Variants in CHIC1 observed in about 807,000 individuals in gnomAD.
CHIC1 encodes cysteine-rich hydrophobic domain-containing protein 1.
Under a neutral mutation model 18.5 loss-of-function variants are expected in CHIC1, and 7 were observed. The ratio of observed to expected loss-of-function variants is 0.38; its 90% CI spans 0.22 to 0.71. CHIC1 has a LOEUF of 0.71. CHIC1 is among the 30% of genes least tolerant of loss of function. The pLI is 0.49. For synonymous variants in CHIC1, 77 were observed against 73.5 expected (o/e 1.05, Z -0.25); for missense variants, 159 against 176.9 (o/e 0.90, Z 0.57).
intron 3 of CHIC1, among the ~76,000 whole-genome samples, chrX:73,670,687 G>C (rs73496933): frequency 9.0e-6 from 1 of 110,641 alleles, no homozygotes; most frequent in African/African-American, 3.3e-5. Flanking sequence ...TATTGCTTTT[G>C]CTGTATCTTA....
At chrX:73,611,674 A>G (rs1168760879) in intron 3 of CHIC1, among the ~76,000 whole-genome samples, 1 of 107,926 alleles carries the variant, frequency 9.3e-6, no homozygotes, top group Non-Finnish European at 1.9e-5. Flanking sequence ...CATCCTCTCC[A>G]GCACCTGTTG....
chrX:73,585,014 A>G (rs184324912), intron 3 of CHIC1, among the ~76,000 whole-genome samples: 14 of 111,600 alleles, frequency 1.3e-4, no homozygotes, highest in Non-Finnish European at 2.3e-4. Context: ...TAGCATTACT[A>G]CTTATGTCAT....
intron 3 of CHIC1, among the ~76,000 whole-genome samples, chrX:73,672,012 A>T (rs943837859): frequency 4.5e-5 from 5 of 111,212 alleles, no homozygotes; most frequent in Non-Finnish European, 9.4e-5. Flanking sequence ...GAGTGAGAAC[A>T]TGCGGTGTTT....
At position 73,624,081 on chromosome X, in the gene CHIC1, A is replaced by G. The variant is rs149743193; in HGVS notation, c.507+39509A>G. Among the ~76,000 whole-genome samples, 459 of 110,128 alleles carry G rather than the reference A, an allele frequency of 4.2e-3. 3 individuals are homozygous for G. The highest frequency in any genetic ancestry group is 0.014 in the African/African-American group (430 of 30,316). On this transcript the variant is annotated intron_variant, in intron 3 of 5. Transcript: ENST00000373502. Reference sequence around the variant, plus strand: ...TTTATACTAGATACTGGATCTTAAAAAATAGGGAATCAGCCCATTCCCCAT... The same window carrying G: ...TTTATACTAGATACTGGATCTTAAAGAATAGGGAATCAGCCCATTCCCCAT...
rs1412741004 is a variant in CHIC1 at position 73,681,022 on chromosome X, A to C, written c.*17A>C. ...CCTGACTGAGGAGTTTTATCCAGTC[A>C]CTTCTGTGTTACCTGTCATTTCCTA... On this transcript the variant is annotated 3_prime_UTR_variant, in exon 6 of 6. Transcript: ENST00000373502. The C allele has an allele frequency of 9.4e-7, 1 of 1,061,085 alleles. No individual in the cohort carries two copies. Among genetic ancestry groups the C allele is most frequent in the Non-Finnish European group, 1.3e-6 (1 of 783,795 alleles). The allele number at this position is 1,061,085 out of a possible 1,213,427, so 87.4% of individuals were successfully genotyped here.
chrX:73,665,562 G>A (rs191432318), intron 3 of CHIC1, among the ~76,000 whole-genome samples: 1 of 111,229 alleles, frequency 9.0e-6, no homozygotes, highest in East Asian at 2.8e-4. Context: ...GATAACTGTT[G>A]TCCCATGATG....
At chrX:73,597,604 T>TAC (rs761767370) in intron 3 of CHIC1, among the ~76,000 whole-genome samples, 60 of 103,765 alleles carry the variant, frequency 5.8e-4, no homozygotes, top group South Asian at 2.9e-3. Flanking sequence ...CATATATATA[T>TAC]ACACACACAC....
intron 3 of CHIC1, among the ~76,000 whole-genome samples, chrX:73,675,841 A>G (rs2147629991): frequency 9.0e-6 from 1 of 110,499 alleles, no homozygotes; most frequent in South Asian, 3.9e-4. Context: ...GGTCTTTACA[A>G]TTTGGCATGT....
chrX:73,647,649 G>A (rs1261762224), intron 3 of CHIC1, among the ~76,000 whole-genome samples: 4 of 112,241 alleles, frequency 3.6e-5, no homozygotes, highest in Non-Finnish European at 7.5e-5. Context: ...CTCCTCACTG[G>A]GTGGGGCCTC....
At chrX:73,602,555 A>G (rs866055539) in intron 3 of CHIC1, among the ~76,000 whole-genome samples, 5 of 108,584 alleles carry the variant, frequency 4.6e-5, no homozygotes, top group Admixed American at 9.7e-5. Flanking sequence ...TTTTGTTGCC[A>G]TTGGTTTTGG....
In CHIC1 at chrX:73,681,245, A is replaced by G. The variant is rs1234243102; in HGVS notation, c.*240A>G. The stretch of plus-strand genomic sequence containing the variant: ...CACACACATGCGTGTGTGCATATAC[A>G]TATATAGATAGTTGCCATTAAAGAT... On this transcript the variant is annotated 3_prime_UTR_variant, in exon 6 of 6. Transcript: ENST00000373502. 3.6e-6 allele frequency: 1 copy of G among 274,488 alleles called. No homozygotes were observed. The highest frequency in any genetic ancestry group is 6.3e-6 in the Non-Finnish European group (1 of 158,659). 22.6% of individuals were successfully genotyped at this position (274,488 alleles called of 1,213,427 possible). A position where few individuals can be genotyped will look rare whatever the true frequency, so the allele number is the denominator to read the frequency against.
chrX:73,573,498 G>A (rs951032789), intron 1 of CHIC1, among the ~76,000 whole-genome samples: 10 of 111,201 alleles, frequency 9.0e-5, no homozygotes, highest in Non-Finnish European at 1.7e-4. Context: ...TAGTTTGATA[G>A]GTATAGCATT....
intron 3 of CHIC1, among the ~76,000 whole-genome samples, chrX:73,617,613 G>A (rs753805161): frequency 1.8e-5 from 2 of 111,784 alleles, no homozygotes; most frequent in African/African-American, 3.3e-5. Flanking sequence ...GAAGGCAAAA[G>A]GCACTTACAT....
chrX:73,568,818 T>A (rs2057457026), intron 1 of CHIC1, among the ~76,000 whole-genome samples: 1 of 111,580 alleles, frequency 9.0e-6, no homozygotes, highest in African/African-American at 3.2e-5. Context: ...GATGGCCAAT[T>A]TTGCCAAACA....
chrX:73,665,260 C>T (rs1447398411), intron 3 of CHIC1, among the ~76,000 whole-genome samples: 1 of 110,792 alleles, frequency 9.0e-6, no homozygotes, highest in Non-Finnish European at 1.9e-5. Flanking sequence ...GTGATGGTTC[C>T]TCTTCCCTCC....
chrX:73,683,223 G>A lies in CHIC1; in HGVS notation c.*2218G>A, dbSNP rs1317298128. On this transcript the variant is annotated 3_prime_UTR_variant, in exon 6 of 6. Transcript: ENST00000373502. ...CATTTGTCACAAAAACCACTTGTCA[G>A]CATGTGTAAACTTAATTTTAAAGCC... The A allele has an allele frequency of 1.8e-5, 2 of 111,192 alleles. No homozygotes were observed. The highest frequency in any genetic ancestry group is 6.5e-5 in the African/African-American group (2 of 30,721). The allele number at this position is 111,192 out of a possible 1,213,427, so 9.2% of individuals were successfully genotyped here.
At chrX:73,669,109 G>A (rs2058018102) in intron 3 of CHIC1, among the ~76,000 whole-genome samples, 1 of 111,580 alleles carries the variant, frequency 9.0e-6, no homozygotes, top group Non-Finnish European at 1.9e-5. Flanking sequence ...TGCCTTAACA[G>A]AACAGCTGTG....
chrX:73,586,833 C>T (rs2057555237), intron 3 of CHIC1, among the ~76,000 whole-genome samples: 1 of 111,910 alleles, frequency 8.9e-6, no homozygotes, highest in African/African-American at 3.2e-5. Context: ...ATAAACAGCC[C>T]ACTGAATTTT....
chrX:73,681,441 T>C lies in CHIC1; in HGVS notation c.*436T>C, dbSNP rs2058099091. 1 of 115,132 alleles carries C rather than the reference T, an allele frequency of 8.7e-6. No individual in the cohort carries two copies. The highest frequency in any genetic ancestry group is 3.2e-5 in the African/African-American group (1 of 30,988). The allele number at this position is 115,132 out of a possible 1,213,427, so 9.5% of individuals were successfully genotyped here. On this transcript the variant is annotated 3_prime_UTR_variant, in exon 6 of 6. Transcript: ENST00000373502. Reference sequence around the variant, plus strand: ...CTTTTGGTAGCTTTTAGAAATGGTTTTACTCTGCTTTTAAAGGACATGCTT... The same window carrying C: ...CTTTTGGTAGCTTTTAGAAATGGTTCTACTCTGCTTTTAAAGGACATGCTT...
Sources: allele counts gnomAD v4.1 joint callset (sites outside exome capture counted in the v4.1 genomes callset), GRCh38; gene constraint gnomAD v4.1.1; transcripts MANE v1.5; gene names NCBI Gene and HGNC (gene_info 2026-07-23, HGNC 2026-07-21).